Variants in NRXN1 observed in about 807,000 individuals in gnomAD.
NRXN1 encodes the protein neurexin 1, also known as neurexin-1.
In NRXN1, 39 loss-of-function variants were observed where a neutral mutation model predicts 150.9. The observed-to-expected ratio is 0.26, with a 90% CI of 0.20 to 0.34. NRXN1 has a LOEUF of 0.34. NRXN1 is among the 10% of genes least tolerant of loss of function. NRXN1 has a pLI of 1.00. For missense variants in NRXN1, 1,815 were observed against 1,949.9 expected, an observed-to-expected ratio of 0.93 and a Z score of 1.30; for synonymous variants, 924 against 757.0, an observed-to-expected ratio of 1.22 and a Z score of -3.62.
chr2:50,718,171 G>T (rs1696109664), intron 5 of NRXN1, among the ~76,000 whole-genome samples: 1 of 152,092 alleles, frequency 6.6e-6, no homozygotes, highest in Non-Finnish European at 1.5e-5. Context: ...TTGAGCCATG[G>T]TTTCAGATAA....
At chr2:49,993,469 CTAT>C (rs1682369176) in intron 21 of NRXN1, among the ~76,000 whole-genome samples, 1 of 152,116 alleles carries the variant, frequency 6.6e-6, no homozygotes, top group Non-Finnish European at 1.5e-5. Flanking sequence ...CTGTATGACA[CTAT>C]AATAATAGAT....
intron 2 of NRXN1, among the ~76,000 whole-genome samples, chr2:50,994,957 A>G (rs1205251599): frequency 1.3e-5 from 2 of 152,072 alleles, no homozygotes; most frequent in Non-Finnish European, 2.9e-5. Context: ...TCAGTTTTAA[A>G]TACTAAAATC....
chr2:50,412,015 C>T (rs1265755513), intron 17 of NRXN1, among the ~76,000 whole-genome samples: 5 of 152,128 alleles, frequency 3.3e-5, no homozygotes, highest in Admixed American at 1.3e-4. Context: ...TAACCTTACC[C>T]CCAACCCCCT....
chr2:50,225,144 C>T (rs1264296564), intron 18 of NRXN1, among the ~76,000 whole-genome samples: 11 of 151,960 alleles, frequency 7.2e-5, no homozygotes, highest in Non-Finnish European at 7.4e-5. Context: ...GAGAACATCA[C>T]GTGCTTTCAC....
intron 18 of NRXN1, among the ~76,000 whole-genome samples, chr2:50,127,091 T>C (rs1448445845): frequency 6.6e-6 from 1 of 152,100 alleles, no homozygotes; most frequent in Non-Finnish European, 1.5e-5. Flanking sequence ...TAAATATAAA[T>C]TTAATAGCTT....
intron 5 of NRXN1, chr2:50,739,306 C>G (rs756547746): frequency 1.1e-5 from 5 of 467,168 alleles, no homozygotes; most frequent in Non-Finnish European, 2.2e-5. Context: ...TTCAACATAC[C>G]TCCATTATGC....
At chr2:50,599,659 G>T (rs1383532907) in intron 8 of NRXN1, among the ~76,000 whole-genome samples, 1 of 152,084 alleles carries the variant, frequency 6.6e-6, no homozygotes, top group Non-Finnish European at 1.5e-5. Context: ...CAGAAACCAA[G>T]TAACAATTTA....
At chr2:50,257,007 C>G (rs1005033287) in intron 17 of NRXN1, among the ~76,000 whole-genome samples, 8 of 152,010 alleles carry the variant, frequency 5.3e-5, no homozygotes, top group African/African-American at 1.9e-4. Flanking sequence ...CTCATATTGA[C>G]AGCAAAGGGT....
intron 5 of NRXN1, among the ~76,000 whole-genome samples, chr2:50,652,488 G>A (rs765099394): frequency 6.6e-6 from 1 of 151,994 alleles, no homozygotes; most frequent in Non-Finnish European, 1.5e-5. Context: ...CATAATGTGT[G>A]GACTTTTAGC....
chr2:50,642,494 A>G (rs1293404021), intron 5 of NRXN1, among the ~76,000 whole-genome samples: 1 of 152,068 alleles, frequency 6.6e-6, no homozygotes, highest in Non-Finnish European at 1.5e-5. Context: ...ATCTAAGGTG[A>G]CATCATGAAG....
At chr2:50,595,085 T>C (rs1335355350) in intron 8 of NRXN1, among the ~76,000 whole-genome samples, 2 of 144,472 alleles carry the variant, frequency 1.4e-5, no homozygotes, top group Non-Finnish European at 3.1e-5. Context: ...AGCTGGTATG[T>C]TGGGGTGCAC....
chr2:50,084,533 G>T (rs1210572990), intron 19 of NRXN1, among the ~76,000 whole-genome samples: 2 of 152,164 alleles, frequency 1.3e-5, no homozygotes, highest in African/African-American at 4.8e-5. Flanking sequence ...CGCTCACCAG[G>T]AACTCTAGGT....
intron 8 of NRXN1, among the ~76,000 whole-genome samples, chr2:50,602,992 C>T (rs951873905): frequency 1.3e-5 from 2 of 152,170 alleles, no homozygotes; most frequent in Non-Finnish European, 2.9e-5. Flanking sequence ...CAAAAACTCT[C>T]CTAGAAATCA....
At chr2:49,981,580 AAT>A (rs1282591464) in intron 21 of NRXN1, among the ~76,000 whole-genome samples, 1 of 152,062 alleles carries the variant, frequency 6.6e-6, no homozygotes, top group Non-Finnish European at 1.5e-5. Flanking sequence ...CCCAAGCAAT[AAT>A]ATTTTATGCA....
At chr2:50,469,103 C>T (rs775924208) in intron 16 of NRXN1, among the ~76,000 whole-genome samples, 2 of 151,570 alleles carry the variant, frequency 1.3e-5, no homozygotes, top group African/African-American at 2.4e-5. Context: ...ACAGCATCAG[C>T]ATCACTTGGG....
intron 2 of NRXN1, among the ~76,000 whole-genome samples, chr2:50,944,926 T>C (rs1310228908): frequency 6.6e-6 from 1 of 152,196 alleles, no homozygotes; most frequent in African/African-American, 2.4e-5. Flanking sequence ...ATGGTACAAA[T>C]GCAGGTTTCT....
intron 17 of NRXN1, among the ~76,000 whole-genome samples, chr2:50,354,858 TG>T: frequency 6.6e-6 from 1 of 152,122 alleles, no homozygotes; most frequent in Admixed American, 6.6e-5. Flanking sequence ...CTGGGATCTG[TG>T]TGCCTGAATT....
At chr2:50,166,826 T>C (rs2059716300) in intron 18 of NRXN1, among the ~76,000 whole-genome samples, 1 of 152,028 alleles carries the variant, frequency 6.6e-6, no homozygotes, top group African/African-American at 2.4e-5. Context: ...TGAAAAAAAA[T>C]CTCAGAGGCT....
intron 2 of NRXN1, chr2:50,985,319 C>A (rs2104929145): frequency 6.6e-6 from 1 of 151,758 alleles, no homozygotes; most frequent in South Asian, 2.1e-4. Context: ...TGCCAATTTC[C>A]ACTAAAAGAA....
Sources: gnomAD v4.1 joint callset for allele counts (sites outside exome capture counted in the v4.1 genomes callset) on GRCh38, gnomAD v4.1.1 for gene constraint, MANE v1.5 for transcripts, NCBI Gene and HGNC (gene_info 2026-07-23, HGNC 2026-07-21) for gene names.